Variants in ROPN1L observed in about 807,000 individuals in gnomAD.
ROPN1L encodes the protein ropporin-1-like protein.
Under a neutral mutation model 22.7 loss-of-function variants are expected in ROPN1L, and 23 were observed. That is an observed-to-expected ratio of 1.01 (90% CI 0.73 to 1.43). The LOEUF is 1.43. Among genes scored for constraint, ROPN1L ranks in the 40% most tolerant of loss-of-function variants. The probability of loss-of-function intolerance (pLI) is 0.00; values close to 1 mark genes in which losing one functional copy is unlikely to be tolerated. For missense variants in ROPN1L, 271 were observed against 291.5 expected, an observed-to-expected ratio of 0.93 and a Z score of 0.51; for synonymous variants, 116 against 117.8, an observed-to-expected ratio of 0.98 and a Z score of 0.10.
chr5:10,466,898 T>C (rs1333164239), downstream of ROPN1L, among the ~76,000 whole-genome samples: 1 of 152,154 alleles, frequency 6.6e-6, no homozygotes. Context: ...CGGAGGCCTC[T>C]CTCCGTGGCT....
downstream of ROPN1L, among the ~76,000 whole-genome samples, chr5:10,475,441 C>T (rs1036647217): frequency 3.9e-5 from 6 of 152,192 alleles, no homozygotes; most frequent in Non-Finnish European, 5.9e-5. Context: ...TCTGTGGTTT[C>T]TCTCTCCTGA....
chr5:10,459,260 G>A (rs1335524962), intron 3 of ROPN1L, among the ~76,000 whole-genome samples: 1 of 148,422 alleles, frequency 6.7e-6, no homozygotes, highest in Non-Finnish European at 1.5e-5. Context: ...CCCCTGGCTG[G>A]ATTATTCCAG....
downstream of ROPN1L, among the ~76,000 whole-genome samples, chr5:10,465,518 A>AAAAAAC (rs1735138666): frequency 6.6e-6 from 1 of 151,298 alleles, no homozygotes; most frequent in African/African-American, 2.4e-5. Flanking sequence ...CCGTCTCAAA[A>AAAAAAC]AAAAACAAAA....
chr5:10,476,257 C>T (rs1173763748), downstream of ROPN1L, among the ~76,000 whole-genome samples: 1 of 152,206 alleles, frequency 6.6e-6, no homozygotes, highest in East Asian at 1.9e-4. Context: ...CTGCCAGACC[C>T]CTCTATGTGT....
At chr5:10,455,241 C>T (rs967543613) in intron 3 of ROPN1L, among the ~76,000 whole-genome samples, 1 of 152,236 alleles carries the variant, frequency 6.6e-6, no homozygotes, top group Admixed American at 6.5e-5. Flanking sequence ...AGGCTGCATC[C>T]TGGCTTACTC....
chr5:10,479,076 T>C, the ROPN1L span, among the ~76,000 whole-genome samples: 1 of 152,192 alleles, frequency 6.6e-6, no homozygotes, highest in Admixed American at 6.5e-5. Flanking sequence ...CTGGTGTCCT[T>C]GTTTTTGAGG....
chr5:10,448,175 G>T (rs1189495076), intron 1 of ROPN1L, 85 bp from the exon 2 acceptor site: 1 of 1,516,800 alleles, frequency 6.6e-7, no homozygotes, highest in African/African-American at 1.4e-5. Context: ...AATCACCGTT[G>T]TTTTGGGGGG....
Position 10,448,244 on chromosome 5 carries a change from G to A in ROPN1L, c.132-16G>A, listed in dbSNP as rs762166916. 9 of 1,613,786 alleles carry A rather than the reference G, an allele frequency of 5.6e-6. No homozygotes were observed. The highest frequency in any genetic ancestry group is 1.7e-4 in the Middle Eastern group (1 of 6,056). On this transcript the variant is annotated splice_polypyrimidine_tract_variant and intron_variant, in intron 1 of 4. Coordinates refer to ENST00000274134, the MANE Select transcript of ROPN1L (RefSeq NM_031916.5). ...TGTGTATTGATGAGCTTTCAGAGAT[G>A]TCTGTTATTTATTAGCTATTTTTCA...
rs115336889 is a variant in ROPN1L at position 10,454,257 on chromosome 5, G to A, written c.417+4144G>A. ...TCTTCCCACCTCAGCCTCCCAAGTCGGGATTACAGGCATGCAGCACCACAT... is the reference window on the plus strand; with the variant it reads ...TCTTCCCACCTCAGCCTCCCAAGTCAGGATTACAGGCATGCAGCACCACAT... On this transcript the variant is annotated intron_variant, in intron 3 of 4. Transcript: ENST00000274134. Among the ~76,000 whole-genome samples the A allele has an allele frequency of 8.0e-3, 1,213 of 152,144 alleles. 13 individuals are homozygous for A. Among genetic ancestry groups the A allele is most frequent in the Non-Finnish European group, 0.011 (782 of 68,000 alleles).
chr5:10,452,634 G>A (rs564577344), intron 3 of ROPN1L, among the ~76,000 whole-genome samples: 20 of 151,922 alleles, frequency 1.3e-4, no homozygotes, highest in Non-Finnish European at 2.2e-4. Context: ...CACTGCACCC[G>A]GCCCTGAAAT....
At position 10,442,034 on chromosome 5, in the gene ROPN1L, C is replaced by T; in HGVS notation, c.-134C>T. The T allele has an allele frequency of 7.8e-7, 1 of 1,286,878 alleles. No homozygotes were observed. The allele number at this position is 1,286,878 out of a possible 1,614,324, so 79.7% of individuals were successfully genotyped here. On this transcript the variant is annotated 5_prime_UTR_variant, in exon 1 of 5. Transcript: ENST00000274134. Reference sequence around the variant, plus strand: ...AGCCCCGCGAATCCGGCCCCAACCTCGGGAACGGGATGGGAGGCGGCCCTG... The same window carrying T: ...AGCCCCGCGAATCCGGCCCCAACCTTGGGAACGGGATGGGAGGCGGCCCTG...
chr5:10,480,228 A>T, the ROPN1L span, among the ~76,000 whole-genome samples: 3 of 152,356 alleles, frequency 2.0e-5, no homozygotes, highest in East Asian at 5.8e-4. Flanking sequence ...TGGAGCTACG[A>T]AATACACAAA....
At chr5:10,452,017 C>T (rs951169925) in intron 3 of ROPN1L, among the ~76,000 whole-genome samples, 1 of 151,700 alleles carries the variant, frequency 6.6e-6, no homozygotes, top group Non-Finnish European at 1.5e-5. Flanking sequence ...GATGGAGTCT[C>T]ACTGTGTCAC....
At chr5:10,449,289 C>G (rs535181646) in intron 2 of ROPN1L, among the ~76,000 whole-genome samples, 2 of 152,170 alleles carry the variant, frequency 1.3e-5, no homozygotes, top group African/African-American at 4.8e-5. Flanking sequence ...GAGGCTGAGG[C>G]GGGCAGATCA....
chr5:10,474,415 C>CTCTCTA (rs1735292199), downstream of ROPN1L, among the ~76,000 whole-genome samples: 1 of 152,204 alleles, frequency 6.6e-6, no homozygotes, highest in Admixed American at 6.5e-5. Flanking sequence ...GGTTCTCACA[C>CTCTCTA]TGGCTTTGAA....
rs143812010 is a variant in ROPN1L at position 10,461,477 on chromosome 5, T to A, written c.593+118T>A. On this transcript the variant is annotated intron_variant, in intron 4 of 4. Transcript: ENST00000274134. ...CTTTGCTCTCTCACCACAACAATAA[T>A]CAACACAGAAGACTGCTATGATCAA... The A allele has an allele frequency of 2.1e-4, 183 of 874,386 alleles. No individual in the cohort carries two copies. The East Asian group carries it at 3.8e-3, about 18-fold the overall frequency. 54.2% of individuals were successfully genotyped at this position (874,386 alleles called of 1,614,324 possible).
At chr5:10,470,595 A>T (rs1735230284) in intron 4 of ROPN1L, among the ~76,000 whole-genome samples, 1 of 152,206 alleles carries the variant, frequency 6.6e-6, no homozygotes. Flanking sequence ...TGGAACCTTC[A>T]TGCTTTCCCC....
chr5:10,482,090 G>A, the ROPN1L span: 1 of 152,080 alleles, frequency 6.6e-6, no homozygotes, highest in Non-Finnish European at 1.5e-5. Context: ...AATCAGCCGG[G>A]TGTGATGGTT....
At chr5:10,444,442 C>A (rs1438534864) in intron 1 of ROPN1L, among the ~76,000 whole-genome samples, 4 of 152,060 alleles carry the variant, frequency 2.6e-5, no homozygotes, top group Non-Finnish European at 5.9e-5. Flanking sequence ...AGGCACTTGC[C>A]ACCACACCCG....
Sources: gnomAD v4.1 joint callset for allele counts (sites outside exome capture counted in the v4.1 genomes callset) on GRCh38, gnomAD v4.1.1 for gene constraint, MANE v1.5 for transcripts, NCBI Gene and HGNC (gene_info 2026-07-23, HGNC 2026-07-21) for gene names.